The following SIK3 variants were observed in gnomAD, a reference collection of about 807,000 sequenced individuals.
SIK3 encodes the protein SIK family kinase 3.
A neutral mutation model predicts 144.2 loss-of-function variants in SIK3; 28 were observed. The ratio of observed to expected loss-of-function variants is 0.19; its 90% CI spans 0.14 to 0.27. The LOEUF is 0.27. Among genes scored for constraint, SIK3 ranks in the 10% least tolerant of loss-of-function variants. The pLI, the probability that SIK3 is intolerant of heterozygous loss-of-function variation, is 1.00. For synonymous variants in SIK3, 686 were observed against 676.3 expected (o/e 1.01, Z -0.22); for missense variants, 1,319 against 1,776.0 (o/e 0.74, Z 4.62).
At chr11:116,896,420 G>T in intron 5 of SIK3, 44 bp from the exon 6 acceptor site, 1 of 1,594,646 alleles carries the variant, frequency 6.3e-7, no homozygotes. Flanking sequence ...CACATCAGGG[G>T]AAACAAAAAA....
At chr11:116,860,007 G>A (rs1943224371) in intron 19 of SIK3, among the ~76,000 whole-genome samples, 1 of 152,206 alleles carries the variant, frequency 6.6e-6, no homozygotes, top group Non-Finnish European at 1.5e-5. Context: ...CAGCACTTGG[G>A]AGGCCGAGGT....
intron 1 of SIK3, among the ~76,000 whole-genome samples, chr11:117,022,055 G>C (rs148459660): frequency 1.3e-5 from 2 of 151,398 alleles, no homozygotes; most frequent in Non-Finnish European, 2.9e-5. Context: ...GTAACAACAG[G>C]CCTGCCTACA....
chr11:116,991,582 G>A (rs114022648), intron 1 of SIK3, among the ~76,000 whole-genome samples: 32 of 152,238 alleles, frequency 2.1e-4, no homozygotes, highest in African/African-American at 7.7e-4. Flanking sequence ...CAGTCAAGAA[G>A]TACAAATAAT....
At chr11:117,071,068 T>C (rs538183528) in intron 1 of SIK3, among the ~76,000 whole-genome samples, 3 of 151,630 alleles carry the variant, frequency 2.0e-5, no homozygotes, top group African/African-American at 4.8e-5. Context: ...TAAAACAAAA[T>C]AGAAAATAAA....
At chr11:117,080,866 C>A (rs372567135) in intron 1 of SIK3, among the ~76,000 whole-genome samples, 5 of 152,020 alleles carry the variant, frequency 3.3e-5, no homozygotes, top group African/African-American at 1.2e-4. Flanking sequence ...GAGAATCACT[C>A]GAATCTGGGA....
rs750792606 is a variant in SIK3 at position 116,844,072 on chromosome 11, G to A, written c.*1571C>T. ...GCTCTCCTTTCCCAGAAAAAAAAAG[G>A]GTGGAAGAGTCAGTGTATTCAAGGT... On this transcript the variant is annotated 3_prime_UTR_variant, in exon 25 of 25. Coordinates refer to ENST00000445177, the MANE Select transcript of SIK3 (RefSeq NM_001366686.3). 1 of 152,188 alleles carries A rather than the reference G, an allele frequency of 6.6e-6. No homozygotes were observed. Among genetic ancestry groups the A allele is most frequent in the Non-Finnish European group, 1.5e-5 (1 of 68,046 alleles). 9.4% of individuals were successfully genotyped at this position (152,188 alleles called of 1,614,324 possible). A position where few individuals can be genotyped will look rare whatever the true frequency, so the allele number is the denominator to read the frequency against.
chr11:117,053,761 C>T (rs1386309362), intron 1 of SIK3, among the ~76,000 whole-genome samples: 1 of 152,078 alleles, frequency 6.6e-6, no homozygotes, highest in Middle Eastern at 3.2e-3. Context: ...ATCCTTCTCC[C>T]TCAGCATCCA....
chr11:116,865,618 T>A (rs1040294435), intron 15 of SIK3, among the ~76,000 whole-genome samples: 1 of 152,202 alleles, frequency 6.6e-6, no homozygotes, highest in Non-Finnish European at 1.5e-5. Context: ...TTACACTTTT[T>A]AAAACATTTT....
At chr11:117,069,759 T>G (rs1954184046) in intron 1 of SIK3, among the ~76,000 whole-genome samples, 1 of 152,186 alleles carries the variant, frequency 6.6e-6, no homozygotes, top group Admixed American at 6.5e-5. Flanking sequence ...CCTCAGAGCT[T>G]TTAGCACATT....
At chr11:116,916,925 C>T (rs12418209) in intron 4 of SIK3, among the ~76,000 whole-genome samples, 11,312 of 151,680 alleles carry the variant, frequency 0.075, 499 homozygotes, top group Middle Eastern at 0.11. Flanking sequence ...GGCGACAGAG[C>T]GAGACCTCAT....
chr11:116,879,902 T>C (rs946558602), intron 6 of SIK3, among the ~76,000 whole-genome samples: 3 of 152,228 alleles, frequency 2.0e-5, no homozygotes, highest in Admixed American at 1.3e-4. Flanking sequence ...TTGACACATA[T>C]GTTTATCGTT....
At chr11:117,082,403 A>T (rs1043198054) in intron 1 of SIK3, among the ~76,000 whole-genome samples, 2 of 152,210 alleles carry the variant, frequency 1.3e-5, no homozygotes, top group African/African-American at 2.4e-5. Flanking sequence ...AATTGATTTT[A>T]AAAATGTGGC....
intron 1 of SIK3, among the ~76,000 whole-genome samples, chr11:116,999,045 C>A (rs1196764122): frequency 7.2e-5 from 11 of 152,166 alleles, no homozygotes; most frequent in Non-Finnish European, 1.6e-4. Flanking sequence ...AATTCCAAAT[C>A]CAATTCCAGA....
chr11:116,932,843 C>T (rs1387164937), intron 3 of SIK3, among the ~76,000 whole-genome samples: 1 of 152,152 alleles, frequency 6.6e-6, no homozygotes, highest in Non-Finnish European at 1.5e-5. Flanking sequence ...GTCATTCAAG[C>T]TGGACTGCAG....
intron 3 of SIK3, among the ~76,000 whole-genome samples, chr11:116,933,932 A>C (rs1947765067): frequency 6.6e-6 from 1 of 152,196 alleles, no homozygotes; most frequent in Admixed American, 6.5e-5. Flanking sequence ...CACAGCAGAA[A>C]TACTCCTGCC....
chr11:117,021,977 A>C (rs1246354531), intron 1 of SIK3, among the ~76,000 whole-genome samples: 1 of 150,456 alleles, frequency 6.6e-6, no homozygotes, highest in Admixed American at 6.6e-5. Context: ...AAATAACAAA[A>C]TAACAAATAA....
intron 1 of SIK3, among the ~76,000 whole-genome samples, chr11:117,051,323 C>G (rs1357613557): frequency 6.6e-6 from 1 of 152,138 alleles, no homozygotes; most frequent in Non-Finnish European, 1.5e-5. Context: ...CTTAATTACA[C>G]CACCAGCTTT....
intron 1 of SIK3, among the ~76,000 whole-genome samples, chr11:117,043,285 C>A (rs1170311476): frequency 6.6e-6 from 1 of 152,212 alleles, no homozygotes; most frequent in Non-Finnish European, 1.5e-5. Context: ...AGTTTCTACA[C>A]TGCAATTCAC....
At chr11:117,093,052 C>T (rs1194558787) in intron 1 of SIK3, among the ~76,000 whole-genome samples, 2 of 152,206 alleles carry the variant, frequency 1.3e-5, no homozygotes, top group African/African-American at 4.8e-5. Context: ...TTTAGCAACC[C>T]CATCACCACT....
Sources: gnomAD v4.1 joint callset for allele counts (sites outside exome capture counted in the v4.1 genomes callset) on GRCh38, gnomAD v4.1.1 for gene constraint, MANE v1.5 for transcripts, NCBI Gene and HGNC (gene_info 2026-07-23, HGNC 2026-07-21) for gene names.